The following RB1 variants were observed in gnomAD, a reference collection of about 807,000 sequenced individuals.
The protein encoded by RB1 is RB transcriptional corepressor 1, also known as retinoblastoma-associated protein.
In RB1, 18 loss-of-function variants were observed where a neutral mutation model predicts 135.4. The observed-to-expected ratio is 0.13, with a 90% confidence interval of 0.09 to 0.20. The LOEUF (loss-of-function observed/expected upper bound fraction) is 0.20. Ranked by LOEUF, RB1 falls within the 10% of genes least tolerant of loss-of-function variation. The pLI, the probability that RB1 is intolerant of heterozygous loss-of-function variation, is 1.00. For synonymous variants in RB1, 365 were observed against 373.2 expected (o/e 0.98, Z 0.25); for missense variants, 868 against 1,110.0 (o/e 0.78, Z 3.10).
At chr13:48,320,279 C>A in intron 2 of RB1, 1 of 1,211,994 alleles carries the variant, frequency 8.3e-7, no homozygotes, top group South Asian at 1.2e-5. Context: ...GCAGCGCGCT[C>A]ATCGGTGGTG....
chr13:48,405,559 A>G (rs1285862943), intron 17 of RB1, among the ~76,000 whole-genome samples: 1 of 152,190 alleles, frequency 6.6e-6, no homozygotes, highest in African/African-American at 2.4e-5. Context: ...CGCTTTATTC[A>G]TTTATATATT....
intron 11 of RB1, among the ~76,000 whole-genome samples, chr13:48,372,432 C>T (rs773173192): frequency 6.6e-6 from 1 of 151,970 alleles, no homozygotes; most frequent in East Asian, 1.9e-4. Context: ...CCAAGGTGGG[C>T]GGATCACCTG....
At chr13:48,454,906 A>G (rs904898404) in intron 18 of RB1, among the ~76,000 whole-genome samples, 7 of 152,220 alleles carry the variant, frequency 4.6e-5, no homozygotes, top group Non-Finnish European at 7.3e-5. Context: ...GAATGGTGCA[A>G]GATGAGACTG....
At chr13:48,418,611 G>T (rs1445120552) in intron 17 of RB1, among the ~76,000 whole-genome samples, 1 of 151,462 alleles carries the variant, frequency 6.6e-6, no homozygotes, top group African/African-American at 2.4e-5. Context: ...AAAGAGTCAA[G>T]ACCCATCAGT....
intron 17 of RB1, among the ~76,000 whole-genome samples, chr13:48,450,830 A>G (rs192157443): frequency 7.1e-4 from 108 of 152,196 alleles, no homozygotes; most frequent in Admixed American, 1.3e-3. Context: ...ATGTTTTTCC[A>G]TTTGTTTGTG....
In RB1 at chr13:48,364,761, TA is replaced by T. The variant is rs144536235; in HGVS notation, c.862-127del. The T allele has an allele frequency of 0.065, 67,291 of 1,039,624 alleles. 2,538 individuals are homozygous for T. Among genetic ancestry groups the T allele is most frequent in the Non-Finnish European group, 0.072 (54,450 of 759,230 alleles). The allele number at this position is 1,039,624 out of a possible 1,614,324, so 64.4% of individuals were successfully genotyped here. On this transcript the variant is annotated intron_variant, in intron 8 of 26. Transcript: ENST00000267163. ...CCTTCTCTAAGAAAATAATAAAAAA[TA>T]AAAAAGTTATACACAGATTTTTTAC...
intron 12 of RB1, among the ~76,000 whole-genome samples, chr13:48,374,717 C>G (rs912387288): frequency 3.3e-5 from 5 of 152,142 alleles, no homozygotes; most frequent in Non-Finnish European, 7.4e-5. Flanking sequence ...CTTCTCATAT[C>G]ATTTTGAATA....
In RB1 at chr13:48,381,321, G is replaced by A. The variant is rs587778640; in HGVS notation, c.1573G>A (p.Ala525Thr). The A allele has an allele frequency of 3.5e-5, 56 of 1,611,880 alleles. No individual in the cohort carries two copies. The highest frequency in any genetic ancestry group is 1.9e-4 in the South Asian group (17 of 90,634). Residue 525 changes from alanine (A) to threonine (T), a missense_variant, in exon 17 of 27, where the codon GCC (alanine) becomes ACC (threonine). Physicochemically the swap from Ala to Thr is moderately conservative, Grantham distance 58. This residue lies in a region of RB1 where 641 missense variants were observed against 791.3 expected (regional missense o/e 0.81). Coordinates refer to ENST00000267163, the MANE Select transcript of RB1 (RefSeq NM_000321.3). ...GATTCTGAATGTGCTTAATTTAAAA[G>A]CCTTTGATTTTTACAAAGTGATCGA... ...PWILNVLNLK[A>T]FDFYKVIESF...
At chr13:48,387,646 C>T (rs1948580551) in intron 17 of RB1, among the ~76,000 whole-genome samples, 1 of 151,986 alleles carries the variant, frequency 6.6e-6, no homozygotes, top group Non-Finnish European at 1.5e-5. Flanking sequence ...TTTTATAACA[C>T]TTTTATCATC....
chr13:48,416,070 T>C (rs1948903824), intron 17 of RB1, among the ~76,000 whole-genome samples: 1 of 152,346 alleles, frequency 6.6e-6, no homozygotes, highest in South Asian at 2.1e-4. Context: ...AACTTAACTC[T>C]GAGAATCAAC....
intron 1 of RB1, among the ~76,000 whole-genome samples, chr13:48,304,619 C>T (rs561867888): frequency 2.0e-5 from 3 of 152,142 alleles, no homozygotes; most frequent in East Asian, 3.9e-4. Context: ...AGCTTTGCGG[C>T]GTTTCCTTAG....
chr13:48,452,332 T>TA (rs1566232803), intron 17 of RB1, among the ~76,000 whole-genome samples: 1 of 152,162 alleles, frequency 6.6e-6, no homozygotes, highest in East Asian at 1.9e-4. Flanking sequence ...CTTGATGTTT[T>TA]ATTTATGGGA....
chr13:48,448,960 T>G (rs1251810886), intron 17 of RB1, among the ~76,000 whole-genome samples: 1 of 152,266 alleles, frequency 6.6e-6, no homozygotes, highest in Non-Finnish European at 1.5e-5. Flanking sequence ...ACCTGTGCTT[T>G]TATTGCTAAT....
chr13:48,381,325 T>C lies in RB1; in HGVS notation c.1577T>C (p.Phe526Ser). The stretch of plus-strand genomic sequence containing the variant: ...CTGAATGTGCTTAATTTAAAAGCCT[T>C]TGATTTTTACAAAGTGATCGAAAGT... ...WILNVLNLKA[F>S]DFYKVIESFI... Residue 526 changes from phenylalanine (F) to serine (S), a missense_variant, in exon 17 of 27, where the codon TTT becomes TCT. Physicochemically the swap from Phe to Ser is radical, Grantham distance 155. Around this residue, in one of 3 missense-constraint regions of RB1, gnomAD observed 641 missense variants for 791.3 expected, o/e 0.81. Transcript: ENST00000267163. 1 of 1,612,446 alleles carries C rather than the reference T, an allele frequency of 6.2e-7. No individual in the cohort carries two copies. Among genetic ancestry groups the C allele is most frequent in the Non-Finnish European group, 8.5e-7 (1 of 1,179,342 alleles).
chr13:48,319,378 C>T lies in RB1; in HGVS notation c.264+11972C>T. On this transcript the variant is annotated intron_variant, in intron 2 of 26. Transcript: ENST00000267163. The surrounding 1 kb of genome is among the most constrained non-coding windows in gnomAD (Gnocchi z 5.0). ...TGCCGCAGCTAGTACACCTGGATGGCCTCCTCAGTGCCGTCGTTGCTGCTG... is the reference window on the plus strand; with the variant it reads ...TGCCGCAGCTAGTACACCTGGATGGTCTCCTCAGTGCCGTCGTTGCTGCTG... 1 of 452,486 alleles carries T rather than the reference C, an allele frequency of 2.2e-6. No homozygotes were observed. Among genetic ancestry groups the T allele is most frequent in the Non-Finnish European group, 4.1e-6 (1 of 242,754 alleles). The allele number at this position is 452,486 out of a possible 1,614,324, so 28.0% of individuals were successfully genotyped here. A position where few individuals can be genotyped will look rare whatever the true frequency, so the allele number is the denominator to read the frequency against.
chr13:48,396,806 C>CA (rs981960812), intron 17 of RB1, among the ~76,000 whole-genome samples: 3 of 152,080 alleles, frequency 2.0e-5, no homozygotes, highest in African/African-American at 7.2e-5. Flanking sequence ...TACAGGAAAA[C>CA]AAACAACCCT....
At chr13:48,411,553 A>C (rs955717362) in intron 17 of RB1, 4 of 1,613,798 alleles carry the variant, frequency 2.5e-6, no homozygotes, top group Non-Finnish European at 3.4e-6. Context: ...GTAAAGTAGT[A>C]AACTATAGGG....
chr13:48,316,741 ACACACACACAC>A, intron 2 of RB1: 2 of 126,524 alleles, frequency 1.6e-5, no homozygotes, highest in Middle Eastern at 6.0e-3. Context: ...ACACACACAC[ACACACACACAC>A]ACACACACAC....
intron 3 of RB1, 37 bp from the exon 4 acceptor site, chr13:48,345,043 G>A (rs1952479622): frequency 1.3e-6 from 2 of 1,592,580 alleles, no homozygotes; most frequent in Non-Finnish European, 8.6e-7. Flanking sequence ...AATTTTTAAG[G>A]TTACTGATTT....
Sources: gnomAD v4.1 joint callset for allele counts (sites outside exome capture counted in the v4.1 genomes callset) on GRCh38, gnomAD v4.1.1 for gene constraint, gnomAD v4.1.1 regional missense constraint, Gnocchi (gnomAD v3.1) non-coding constraint, MANE v1.5 for transcripts, NCBI Gene and HGNC (gene_info 2026-07-23, HGNC 2026-07-21) for gene names.